The following UBE2U variants were observed in gnomAD, a reference collection of about 807,000 sequenced individuals.
UBE2U encodes the protein ubiquitin conjugating enzyme E2 U.
In UBE2U, 39 loss-of-function variants were observed where a neutral mutation model predicts 41.2. The ratio of observed to expected loss-of-function variants is 0.95; its 90% CI spans 0.73 to 1.24. UBE2U has a LOEUF of 1.24. Among genes scored for constraint, UBE2U ranks in the 50% most tolerant of loss-of-function variants. UBE2U has a pLI of 0.00. For synonymous variants in UBE2U, 107 were observed against 117.8 expected, an observed-to-expected ratio of 0.91 and a Z score of 0.60; for missense variants, 336 against 363.1, an observed-to-expected ratio of 0.93 and a Z score of 0.61.
chr1:64,211,682 C>A (rs905926987), intron 4 of UBE2U, among the ~76,000 whole-genome samples: 2 of 152,164 alleles, frequency 1.3e-5, no homozygotes, highest in African/African-American at 4.8e-5. Context: ...CTCAAGCAAT[C>A]CTCCCACCTC....
At chr1:64,211,456 T>C (rs1002013364) in intron 4 of UBE2U, among the ~76,000 whole-genome samples, 3 of 152,322 alleles carry the variant, frequency 2.0e-5, no homozygotes, top group African/African-American at 7.2e-5. Context: ...TTTTTTCTTT[T>C]TGAGACAGGA....
chr1:64,249,099 G>A (rs932041698), intron 8 of UBE2U, among the ~76,000 whole-genome samples: 2 of 151,986 alleles, frequency 1.3e-5, no homozygotes, highest in African/African-American at 2.4e-5. Context: ...TCAGCCAGGC[G>A]CGGTGGCTCA....
At chr1:64,251,931 G>T (rs1645017346) in intron 8 of UBE2U, among the ~76,000 whole-genome samples, 1 of 152,204 alleles carries the variant, frequency 6.6e-6, no homozygotes, top group South Asian at 2.1e-4. Context: ...CACCTCACAA[G>T]TTGGGGCCCG....
chr1:64,213,303 C>A (rs898309785), intron 4 of UBE2U, among the ~76,000 whole-genome samples: 1 of 152,180 alleles, frequency 6.6e-6, no homozygotes, highest in East Asian at 1.9e-4. Flanking sequence ...TGGTCAGTCT[C>A]CAGTTCCCCT....
chr1:64,216,972 C>T (rs1652066799), intron 5 of UBE2U, among the ~76,000 whole-genome samples: 1 of 152,184 alleles, frequency 6.6e-6, no homozygotes, highest in South Asian at 2.1e-4. Context: ...CTTTCACTTG[C>T]AGTGTACCAG....
chr1:64,219,745 G>A (rs1283927793), intron 5 of UBE2U, among the ~76,000 whole-genome samples: 11 of 151,934 alleles, frequency 7.2e-5, no homozygotes, highest in Admixed American at 2.0e-4. Flanking sequence ...ACAGGCGCCC[G>A]CCACCACACC....
intron 1 of UBE2U, among the ~76,000 whole-genome samples, chr1:64,204,444 A>C (rs1651162023): frequency 6.6e-6 from 1 of 152,226 alleles, no homozygotes; most frequent in Admixed American, 6.5e-5. Flanking sequence ...TACAATAAGT[A>C]GTATTTCATT....
intron 8 of UBE2U, among the ~76,000 whole-genome samples, chr1:64,248,340 T>A (rs895409363): frequency 6.6e-6 from 1 of 151,846 alleles, no homozygotes; most frequent in Non-Finnish European, 1.5e-5. Flanking sequence ...TTCCCCAGAG[T>A]CATATGAGAT....
chr1:64,219,472 C>G (rs1652268686), intron 5 of UBE2U, among the ~76,000 whole-genome samples: 1 of 152,028 alleles, frequency 6.6e-6, no homozygotes. Flanking sequence ...TCATTCAGTT[C>G]TGGAAAACTT....
intron 3 of UBE2U, 88 bp downstream of exon 3, chr1:64,206,944 T>C: frequency 1.2e-6 from 1 of 818,118 alleles, no homozygotes; most frequent in East Asian, 2.8e-5. Flanking sequence ...TTTAAGAACT[T>C]TATTATGATT....
At chr1:64,250,649 A>G (rs1023008749) in intron 8 of UBE2U, among the ~76,000 whole-genome samples, 5 of 152,272 alleles carry the variant, frequency 3.3e-5, no homozygotes, top group African/African-American at 9.6e-5. Flanking sequence ...AATAGCCAAG[A>G]CTTGGAACCA....
chr1:64,232,505 T>A, intron 6 of UBE2U, 56 bp from the exon 7 acceptor site: 1 of 1,376,882 alleles, frequency 7.3e-7, no homozygotes, highest in Non-Finnish European at 1.0e-6. Context: ...AGTACAATAA[T>A]TTTAAAAAGA....
rs181108165 is a variant in UBE2U at position 64,233,093 on chromosome 1, C to T, written c.595+444C>T. Among the ~76,000 whole-genome samples, 17 of 152,118 alleles carry T rather than the reference C, an allele frequency of 1.1e-4. No individual in the cohort carries two copies. In the East Asian group the frequency reaches 1.7e-3, roughly 16 times the overall value. On this transcript the variant is annotated intron_variant, in intron 7 of 9. Coordinates refer to ENST00000371077, the MANE Select transcript of UBE2U (RefSeq NM_001366232.2). ...CGCAATCTCAGCTCACTACAAGCTC[C>T]GCCTCCCAGGTTCACGCCATTCTCC...
intron 8 of UBE2U, among the ~76,000 whole-genome samples, chr1:64,251,799 T>C (rs962980893): frequency 3.9e-5 from 6 of 152,048 alleles, no homozygotes; most frequent in Admixed American, 1.3e-4. Flanking sequence ...GACTCAGGTG[T>C]TTTACATAAT....
chr1:64,233,059 G>A (rs1474797001), intron 7 of UBE2U, among the ~76,000 whole-genome samples: 1 of 151,618 alleles, frequency 6.6e-6, no homozygotes, highest in Non-Finnish European at 1.5e-5. Context: ...CCAGGCTGGA[G>A]TGCAGTGACG....
intron 8 of UBE2U, among the ~76,000 whole-genome samples, chr1:64,245,040 A>G (rs886597120): frequency 2.0e-5 from 3 of 152,206 alleles, no homozygotes; most frequent in Non-Finnish European, 4.4e-5. Flanking sequence ...CAGTGATTGA[A>G]AACTGGAAAT....
intron 6 of UBE2U, among the ~76,000 whole-genome samples, chr1:64,222,585 A>G (rs1652566116): frequency 6.6e-6 from 1 of 152,214 alleles, no homozygotes; most frequent in African/African-American, 2.4e-5. Flanking sequence ...CTAGATTTCA[A>G]TGATACGCTA....
At chr1:64,260,348 G>A (rs1645162104) in intron 8 of UBE2U, among the ~76,000 whole-genome samples, 2 of 152,226 alleles carry the variant, frequency 1.3e-5, no homozygotes, top group South Asian at 2.1e-4. Flanking sequence ...CTTTTACTAT[G>A]ATGTTTTTTA....
intron 9 of UBE2U, among the ~76,000 whole-genome samples, chr1:64,264,952 A>G (rs764618349): frequency 2.0e-5 from 3 of 151,756 alleles, no homozygotes; most frequent in South Asian, 2.1e-4. Context: ...CCCTGCCTCA[A>G]AAAAAAAATT....
Sources: gnomAD v4.1 joint callset for allele counts (sites outside exome capture counted in the v4.1 genomes callset) on GRCh38, gnomAD v4.1.1 for gene constraint, MANE v1.5 for transcripts, NCBI Gene and HGNC (gene_info 2026-07-23, HGNC 2026-07-21) for gene names.